SLC7A8: variants seen among roughly 807,000 people sequenced by gnomAD.
SLC7A8 encodes solute carrier family 7 member 8, also known as large neutral amino acids transporter small subunit 2.
A neutral mutation model predicts 51.2 loss-of-function variants in SLC7A8; 30 were observed. That is an observed-to-expected ratio of 0.59 (90% CI 0.44 to 0.80). SLC7A8 has a LOEUF of 0.80. Ranked by LOEUF, SLC7A8 falls within the 30% of genes least tolerant of loss-of-function variation. The probability of loss-of-function intolerance (pLI) is 0.00; values close to 1 mark genes in which losing one functional copy is unlikely to be tolerated. For missense variants in SLC7A8, 612 were observed against 674.4 expected (o/e 0.91, Z 1.03); for synonymous variants, 257 against 275.8 (o/e 0.93, Z 0.67).
chr14:23,178,316 A>G (rs74036941), intron 1 of SLC7A8, among the ~76,000 whole-genome samples: 9,947 of 152,256 alleles, frequency 0.065, 560 homozygotes, highest in African/African-American at 0.15. Flanking sequence ...AATCTAAATT[A>G]ATATGCTGCC....
intron 1 of SLC7A8, among the ~76,000 whole-genome samples, chr14:23,175,898 A>G (rs1467489326): frequency 1.3e-5 from 2 of 152,118 alleles, no homozygotes; most frequent in Non-Finnish European, 2.9e-5. Context: ...TTATTATTAC[A>G]TTGCTGGGCA....
chr14:23,153,541 C>T (rs1211367749), intron 3 of SLC7A8, among the ~76,000 whole-genome samples: 1 of 152,190 alleles, frequency 6.6e-6, no homozygotes, highest in Non-Finnish European at 1.5e-5. Context: ...GCCTGGACTG[C>T]TTTCTGTGCA....
chr14:23,127,336 T>C lies in SLC7A8; in HGVS notation c.1449A>G (p.Leu483=). The C allele has an allele frequency of 6.2e-7, 1 of 1,614,032 alleles. No homozygotes were observed. Among genetic ancestry groups the C allele is most frequent in the Non-Finnish European group, 8.5e-7 (1 of 1,179,918 alleles). ...CACACATCTTCTGGCTCACCAGGGT[T>C]AGCAGCTCTGTAGGAAGAGATCACA... ...PKCFSDFIEL[L]TLVSQKMCVV... The change falls in exon 11 of 11, where the codon CTA becomes CTG. Residue 483 remains leucine (L), a synonymous_variant. Coordinates refer to ENST00000316902, the MANE Select transcript of SLC7A8 (RefSeq NM_012244.4).
chr14:23,166,783 G>A (rs2048952545), intron 1 of SLC7A8, among the ~76,000 whole-genome samples: 1 of 152,210 alleles, frequency 6.6e-6, no homozygotes, highest in African/African-American at 2.4e-5. Flanking sequence ...TTAATCCTCA[G>A]GATGACACTA....
intron 1 of SLC7A8, among the ~76,000 whole-genome samples, chr14:23,178,365 C>T (rs1224596337): frequency 1.3e-5 from 2 of 152,078 alleles, no homozygotes; most frequent in Non-Finnish European, 2.9e-5. Flanking sequence ...GAACAAAAGC[C>T]TGATTAGGTT....
intron 4 of SLC7A8, 91 bp downstream of exon 4, chr14:23,142,988 G>A: frequency 4.7e-6 from 7 of 1,486,310 alleles, no homozygotes; most frequent in Non-Finnish European, 6.5e-6. Context: ...GAAATCTCAG[G>A]GTGTGGCATA....
Position 23,182,804 on chromosome 14 carries a change from C to G in SLC7A8, c.111G>C (p.Lys37Asn). ...AGGCACTGACCAATCCGATCTCTTT[C>G]TTCAGGGCTACTCCGCCCCCTCCGG... is the stretch of plus-strand genomic sequence containing the variant. Reference protein sequence around the residue: ...AGSGGGGVALKKEIGLVSACG... With the variant: ...AGSGGGGVALNKEIGLVSACG... Residue 37 changes from lysine (K) to asparagine (N), a missense_variant, in exon 1 of 11, where the codon AAG (lysine) becomes AAC (asparagine). Coordinates refer to ENST00000316902, the MANE Select transcript of SLC7A8 (RefSeq NM_012244.4). 2 of 1,611,398 alleles carry G rather than the reference C, an allele frequency of 1.2e-6. No homozygotes were observed. The highest frequency in any genetic ancestry group is 1.7e-6 in the Non-Finnish European group (2 of 1,179,004).
intron 1 of SLC7A8, among the ~76,000 whole-genome samples, chr14:23,170,177 AAGGGACTTTATCAAAGTCAT>A (rs1445099382): frequency 6.6e-6 from 1 of 152,212 alleles, no homozygotes; most frequent in Non-Finnish European, 1.5e-5. Flanking sequence ...CAGAGAGGTG[AAGGGACTTTATCAAAGTCAT>A]GCACTGCATA....
chr14:23,133,943 A>G (rs1451228276), intron 7 of SLC7A8, among the ~76,000 whole-genome samples: 2 of 152,118 alleles, frequency 1.3e-5, no homozygotes, highest in African/African-American at 2.4e-5. Flanking sequence ...TATAATGCAA[A>G]TAATTTTTTT....
chr14:23,134,201 CTTATACA>C (rs1210030351), intron 7 of SLC7A8, among the ~76,000 whole-genome samples: 1 of 151,580 alleles, frequency 6.6e-6, no homozygotes, highest in South Asian at 2.1e-4. Flanking sequence ...AATTTTCTTC[CTTATACA>C]TTAGAGAAAA....
At chr14:23,169,158 G>A (rs1267174048) in intron 1 of SLC7A8, among the ~76,000 whole-genome samples, 2 of 152,130 alleles carry the variant, frequency 1.3e-5, no homozygotes, top group Non-Finnish European at 2.9e-5. Context: ...ACACCAGCCT[G>A]GGCGATATAG....
chr14:23,174,944 T>G (rs2048992176), intron 1 of SLC7A8, among the ~76,000 whole-genome samples: 1 of 152,206 alleles, frequency 6.6e-6, no homozygotes, highest in Non-Finnish European at 1.5e-5. Flanking sequence ...ATCATTTGCA[T>G]GTGCCTGCTT....
chr14:23,131,281 A>G (rs1056884464), intron 8 of SLC7A8, among the ~76,000 whole-genome samples, 180 bp downstream of exon 8: 4 of 152,230 alleles, frequency 2.6e-5, no homozygotes, highest in Non-Finnish European at 2.9e-5. Context: ...TTTCCTTGCT[A>G]TATCTCTTGA....
chr14:23,175,498 C>T (rs563490213), intron 1 of SLC7A8, among the ~76,000 whole-genome samples: 4 of 152,264 alleles, frequency 2.6e-5, no homozygotes, highest in East Asian at 3.9e-4. Context: ...CGTGAGCCAC[C>T]GCACCCGGCC....
At chr14:23,157,083 A>C (rs2048898009) in intron 3 of SLC7A8, among the ~76,000 whole-genome samples, 1 of 152,236 alleles carries the variant, frequency 6.6e-6, no homozygotes, top group Non-Finnish European at 1.5e-5. Flanking sequence ...GAGTGAGTAG[A>C]AAGGGTGACA....
intron 6 of SLC7A8, 96 bp downstream of exon 6, chr14:23,139,328 C>T (rs2048719903): frequency 1.3e-6 from 2 of 1,584,874 alleles, no homozygotes; most frequent in Admixed American, 3.4e-5. Context: ...TTTCCACTTC[C>T]ACAAGGCCAT....
intron 3 of SLC7A8, among the ~76,000 whole-genome samples, chr14:23,162,202 C>T (rs747507500): frequency 6.6e-6 from 1 of 152,048 alleles, no homozygotes; most frequent in Non-Finnish European, 1.5e-5. Context: ...AATGCATGTA[C>T]GTGTGCACCC....
intron 3 of SLC7A8, among the ~76,000 whole-genome samples, chr14:23,144,703 C>T (rs1369769499): frequency 6.6e-6 from 1 of 152,078 alleles, no homozygotes; most frequent in Non-Finnish European, 1.5e-5. Context: ...CTTTGTGCGC[C>T]ATCTCCACCT....
At chr14:23,143,316 G>T in intron 3 of SLC7A8, 112 bp from the exon 4 acceptor site, 2 of 1,442,840 alleles carry the variant, frequency 1.4e-6, no homozygotes, top group Admixed American at 2.0e-5. Context: ...TGTAGTAGGT[G>T]AGCCAGACAT....
Sources: gnomAD v4.1 joint callset for allele counts (sites outside exome capture counted in the v4.1 genomes callset) on GRCh38, gnomAD v4.1.1 for gene constraint, MANE v1.5 for transcripts, NCBI Gene and HGNC (gene_info 2026-07-23, HGNC 2026-07-21) for gene names.